The following STAG1 variants were observed in gnomAD, a reference collection of about 807,000 sequenced individuals.
STAG1 encodes STAG1 cohesin complex component.
STAG1 carries 26 observed loss-of-function variants against 170.9 expected under a neutral mutation model. That is an observed-to-expected ratio of 0.15 (90% confidence interval 0.11 to 0.21). The LOEUF is 0.21. Among genes scored for constraint, STAG1 ranks in the 10% least tolerant of loss-of-function variants. The pLI is 1.00. For missense variants in STAG1, 964 were observed against 1,509.5 expected (o/e 0.64, Z 5.99); for synonymous variants, 514 against 497.7 (o/e 1.03, Z -0.44).
chr3:136,506,856 G>A (rs1933795947), intron 7 of STAG1, among the ~76,000 whole-genome samples: 1 of 152,212 alleles, frequency 6.6e-6, no homozygotes, highest in Admixed American at 6.5e-5. Context: ...AAACTAGATG[G>A]AAATTAGAAA....
intron 1 of STAG1, among the ~76,000 whole-genome samples, chr3:136,661,608 C>CA (rs994390931): frequency 5.3e-5 from 8 of 151,994 alleles, no homozygotes; most frequent in African/African-American, 1.9e-4. Flanking sequence ...GCAAATATTC[C>CA]AAAACCCCCC....
At chr3:136,565,145 G>C (rs1937028844) in intron 5 of STAG1, among the ~76,000 whole-genome samples, 1 of 150,492 alleles carries the variant, frequency 6.6e-6, no homozygotes, top group Admixed American at 6.6e-5. Flanking sequence ...GAAGAGAAAG[G>C]AAAGAGAAGG....
At chr3:136,523,279 T>C (rs905882630) in intron 6 of STAG1, among the ~76,000 whole-genome samples, 5 of 152,218 alleles carry the variant, frequency 3.3e-5, no homozygotes, top group African/African-American at 9.7e-5. Flanking sequence ...TGTGAGATGG[T>C]ATCTCACTGT....
chr3:136,629,322 T>G (rs565296493), intron 2 of STAG1, among the ~76,000 whole-genome samples: 3 of 152,246 alleles, frequency 2.0e-5, no homozygotes, highest in East Asian at 1.9e-4. Flanking sequence ...AAATGTTACA[T>G]TAAGTACTTT....
intron 1 of STAG1, among the ~76,000 whole-genome samples, chr3:136,734,201 G>A (rs1345584871): frequency 6.6e-6 from 1 of 151,858 alleles, no homozygotes; most frequent in Admixed American, 6.6e-5. Flanking sequence ...AAGAATAGGG[G>A]CTGACTACCT....
In STAG1 at chr3:136,443,655, T is replaced by G. The variant is rs371771020; in HGVS notation, c.1429-251A>C. ...CTAGTCCAATGACATCATTTATAGATGAGGAAACAGAGCATAGCTAGTTAG... is the reference window on the plus strand; with the variant it reads ...CTAGTCCAATGACATCATTTATAGAGGAGGAAACAGAGCATAGCTAGTTAG... On this transcript the variant is annotated intron_variant, in intron 14 of 33. Coordinates refer to ENST00000383202, the MANE Select transcript of STAG1 (RefSeq NM_005862.3). Among the ~76,000 whole-genome samples, 9 of 152,202 alleles carry G rather than the reference T, an allele frequency of 5.9e-5. No individual in the cohort carries two copies. The South Asian group carries it at 1.9e-3, about 32-fold the overall frequency.
chr3:136,541,424 T>C (rs992405587), intron 6 of STAG1, among the ~76,000 whole-genome samples: 6 of 152,016 alleles, frequency 3.9e-5, no homozygotes, highest in Middle Eastern at 3.2e-3. Flanking sequence ...CAAGAGAATA[T>C]TTCTGTGAAA....
At chr3:136,527,133 T>G (rs1376657400) in intron 6 of STAG1, among the ~76,000 whole-genome samples, 2 of 152,230 alleles carry the variant, frequency 1.3e-5, no homozygotes, top group African/African-American at 4.8e-5. Context: ...AATTTGAATG[T>G]TGGCCTGCCT....
chr3:136,704,474 G>T (rs767590196), intron 1 of STAG1, among the ~76,000 whole-genome samples: 1 of 152,118 alleles, frequency 6.6e-6, no homozygotes, highest in Non-Finnish European at 1.5e-5. Flanking sequence ...AACCAAAAGA[G>T]AGGAAGGGCA....
At chr3:136,640,672 TTTG>T (rs1940758705) in intron 1 of STAG1, among the ~76,000 whole-genome samples, 1 of 148,376 alleles carries the variant, frequency 6.7e-6, no homozygotes, top group Non-Finnish European at 1.5e-5. Context: ...CCTGGCCTGT[TTTG>T]TTGTTTTTTT....
At chr3:136,463,770 T>TACACACACACAC (rs375928916) in intron 13 of STAG1, among the ~76,000 whole-genome samples, 62 of 126,398 alleles carry the variant, frequency 4.9e-4, no homozygotes, top group Middle Eastern at 4.1e-3. Flanking sequence ...TGTGTGTGTA[T>TACACACACACAC]ACACACACAC....
chr3:136,712,529 G>T (rs1383339965), intron 1 of STAG1, among the ~76,000 whole-genome samples: 2 of 152,070 alleles, frequency 1.3e-5, no homozygotes, highest in Non-Finnish European at 2.9e-5. Context: ...ACATCAAAAT[G>T]GTCAGCACTG....
At chr3:136,611,800 G>A (rs1436500807) in intron 3 of STAG1, among the ~76,000 whole-genome samples, 3 of 150,244 alleles carry the variant, frequency 2.0e-5, no homozygotes, top group South Asian at 2.1e-4. Context: ...ACTGCATCTC[G>A]CCTTAATCTT....
chr3:136,457,342 G>C (rs1053523790), intron 13 of STAG1, among the ~76,000 whole-genome samples: 1 of 152,120 alleles, frequency 6.6e-6, no homozygotes, highest in Non-Finnish European at 1.5e-5. Flanking sequence ...TCAAGCAGCA[G>C]AGCATATTTT....
At chr3:136,569,059 T>G (rs1319372524) in intron 4 of STAG1, among the ~76,000 whole-genome samples, 198 bp from the exon 5 acceptor site, 2 of 152,132 alleles carry the variant, frequency 1.3e-5, no homozygotes, top group Non-Finnish European at 2.9e-5. Flanking sequence ...CTTACTAGGT[T>G]TCAAAGATTT....
chr3:136,451,066 G>C (rs1007468480), intron 14 of STAG1, among the ~76,000 whole-genome samples: 28 of 151,764 alleles, frequency 1.8e-4, no homozygotes, highest in Non-Finnish European at 3.1e-4. Context: ...CTATTTTCAA[G>C]CATTTCTAAA....
At chr3:136,603,196 ATT>A (rs112085833) in intron 4 of STAG1, among the ~76,000 whole-genome samples, 4 of 146,874 alleles carry the variant, frequency 2.7e-5, no homozygotes. Flanking sequence ...CAATTACCTA[ATT>A]TTTTTTTTTT....
chr3:136,713,424 A>T (rs1216504876), intron 1 of STAG1, among the ~76,000 whole-genome samples: 3 of 151,886 alleles, frequency 2.0e-5, no homozygotes, highest in Non-Finnish European at 4.4e-5. Context: ...CTCTACTAAA[A>T]ATGCAACAAT....
Position 136,724,013 on chromosome 3 carries a change from G to A in STAG1, c.-84+28182C>T, listed in dbSNP as rs568412574. 1.8e-4 allele frequency among the ~76,000 whole-genome samples: 27 copies of A among 150,760 alleles called. 1 individual carries two copies. In the South Asian group the frequency reaches 4.8e-3, roughly 27 times the overall value. Reference sequence around the variant, plus strand: ...AGCCCCCCGCACAGCCAGCCGCCCCGTCCGGGAGGTGAGGGGCGCCTCTGC... The same window carrying A: ...AGCCCCCCGCACAGCCAGCCGCCCCATCCGGGAGGTGAGGGGCGCCTCTGC... On this transcript the variant is annotated intron_variant, in intron 1 of 33. Coordinates refer to ENST00000383202, the MANE Select transcript of STAG1 (RefSeq NM_005862.3).
Sources: gnomAD v4.1 joint callset for allele counts (sites outside exome capture counted in the v4.1 genomes callset) on GRCh38, gnomAD v4.1.1 for gene constraint, MANE v1.5 for transcripts, NCBI Gene and HGNC (gene_info 2026-07-23, HGNC 2026-07-21) for gene names.